Variants in TYW1B observed in about 807,000 individuals in gnomAD.
TYW1B encodes the protein S-adenosyl-L-methionine-dependent tRNA 4-demethylwyosine synthase TYW1B.
A neutral mutation model predicts 86.9 loss-of-function variants in TYW1B; 73 were observed. The observed-to-expected ratio is 0.84, with a 90% confidence interval of 0.70 to 1.02. The LOEUF is 1.02. Ranked by LOEUF, TYW1B falls within the 50% of genes least tolerant of loss-of-function variation. The pLI, the probability that TYW1B is intolerant of heterozygous loss-of-function variation, is 0.00. For synonymous variants in TYW1B, 248 were observed against 292.8 expected (o/e 0.85, Z 1.56); for missense variants, 637 against 827.4 (o/e 0.77, Z 2.82).
chr7:72,724,241 G>A (rs544415172), intron 9 of TYW1B, among the ~76,000 whole-genome samples: 16 of 152,256 alleles, frequency 1.1e-4, no homozygotes, highest in Middle Eastern at 3.4e-3. Context: ...AGAGGCCCAG[G>A]CAGAAGGATC....
At chr7:72,749,363 G>A (rs1217698724) in intron 7 of TYW1B, among the ~76,000 whole-genome samples, 3 of 151,954 alleles carry the variant, frequency 2.0e-5, no homozygotes, top group African/African-American at 4.8e-5. Flanking sequence ...GCACGATCTC[G>A]GCTCACTGCA....
At chr7:72,580,654 A>C (rs1345012599) in intron 13 of TYW1B, among the ~76,000 whole-genome samples, 4 of 152,204 alleles carry the variant, frequency 2.6e-5, no homozygotes, top group Non-Finnish European at 5.9e-5. Flanking sequence ...TCTTTCACAC[A>C]GGGAGAATTT....
In TYW1B at chr7:72,825,027, C is replaced by T. The variant is rs150691613; in HGVS notation, c.135+1828G>A. ...CTGAGGTGGGAGGATGCCTTGAGCC[C>T]GAGAGGCAGAGGTTGCAGTGAGTGA... On this transcript the variant is annotated intron_variant, in intron 2 of 13. Coordinates refer to ENST00000620995, the MANE Select transcript of TYW1B (RefSeq NM_001145440.3). 1.6e-3 allele frequency among the ~76,000 whole-genome samples: 234 copies of T among 149,556 alleles called. 5 individuals are homozygous for T. In the East Asian group the frequency reaches 0.044, roughly 28 times the overall value.
At chr7:72,737,923 C>T (rs1232079360) in intron 8 of TYW1B, among the ~76,000 whole-genome samples, 1 of 145,604 alleles carries the variant, frequency 6.9e-6, no homozygotes, top group Non-Finnish European at 1.5e-5. Flanking sequence ...TACAGGTGCC[C>T]GCCACCAAGC....
intron 10 of TYW1B, among the ~76,000 whole-genome samples, chr7:72,711,203 AG>A: frequency 6.6e-6 from 1 of 152,286 alleles, no homozygotes; most frequent in East Asian, 1.9e-4. Flanking sequence ...TAAGATAGGG[AG>A]GCTAAAAGCA....
intron 11 of TYW1B, among the ~76,000 whole-genome samples, chr7:72,653,883 C>G (rs1359889474): frequency 1.9e-4 from 29 of 151,974 alleles, no homozygotes; most frequent in Admixed American, 1.9e-3. Context: ...AGTTTGAGAC[C>G]AGCCCAACCA....
At chr7:72,599,842 A>G (rs1423301711) in intron 13 of TYW1B, among the ~76,000 whole-genome samples, 1 of 152,200 alleles carries the variant, frequency 6.6e-6, no homozygotes, top group African/African-American at 2.4e-5. Flanking sequence ...CGATATATAT[A>G]TGTAGAAAAC....
chr7:72,788,326 A>G (rs1192663824), intron 6 of TYW1B, among the ~76,000 whole-genome samples: 3 of 152,172 alleles, frequency 2.0e-5, no homozygotes, highest in Admixed American at 2.0e-4. Context: ...AAAATACAAA[A>G]GCTACTAAAA....
At chr7:72,581,826 G>C (rs1482444708) in intron 13 of TYW1B, among the ~76,000 whole-genome samples, 1 of 152,068 alleles carries the variant, frequency 6.6e-6, no homozygotes, top group Admixed American at 6.6e-5. Context: ...GGAGTGCAAT[G>C]GCATGATCTC....
At chr7:72,778,213 A>G (rs1308670070) in intron 6 of TYW1B, among the ~76,000 whole-genome samples, 2 of 152,190 alleles carry the variant, frequency 1.3e-5, no homozygotes, top group Non-Finnish European at 2.9e-5. Flanking sequence ...TCCTCACCTG[A>G]AAAGGGGGAA....
At chr7:72,813,824 G>A (rs1287497127) in intron 3 of TYW1B, among the ~76,000 whole-genome samples, 7 of 151,962 alleles carry the variant, frequency 4.6e-5, no homozygotes, top group Non-Finnish European at 7.4e-5. Flanking sequence ...ACACAAGCAT[G>A]GCCAATATAA....
chr7:72,679,072 G>A (rs1813808191), intron 11 of TYW1B, among the ~76,000 whole-genome samples: 2 of 152,078 alleles, frequency 1.3e-5, no homozygotes, highest in Non-Finnish European at 2.9e-5. Context: ...ACTGCATCCA[G>A]TCTGCCAATA....
chr7:72,580,392 G>C (rs1183164502), intron 13 of TYW1B, among the ~76,000 whole-genome samples: 2 of 152,138 alleles, frequency 1.3e-5, no homozygotes, highest in Non-Finnish European at 2.9e-5. Flanking sequence ...TGAGACACGA[G>C]GTCACCCTGC....
chr7:72,700,536 T>A (rs1814440989), intron 10 of TYW1B, among the ~76,000 whole-genome samples: 1 of 152,184 alleles, frequency 6.6e-6, no homozygotes, highest in Non-Finnish European at 1.5e-5. Context: ...ATATCCTGGT[T>A]ATTTAACAGT....
chr7:72,746,269 T>C (rs1554463798), intron 7 of TYW1B, among the ~76,000 whole-genome samples: 1 of 152,188 alleles, frequency 6.6e-6, no homozygotes, highest in Non-Finnish European at 1.5e-5. Context: ...TCCATCTTAG[T>C]ACTGCATTTG....
intron 11 of TYW1B, among the ~76,000 whole-genome samples, chr7:72,639,321 C>A (rs1812747977): frequency 1.3e-5 from 2 of 151,776 alleles, no homozygotes; most frequent in South Asian, 4.2e-4. Flanking sequence ...GGTGCATCAC[C>A]ATACCCAGTT....
At chr7:72,662,571 G>C (rs1813359014) in intron 11 of TYW1B, among the ~76,000 whole-genome samples, 1 of 152,088 alleles carries the variant, frequency 6.6e-6, no homozygotes, top group Non-Finnish European at 1.5e-5. Context: ...CAAACTCTAA[G>C]AGCTGCTCAA....
In TYW1B at chr7:72,575,311, C is replaced by G. The variant is rs547164747; in HGVS notation, c.*187G>C. 7.0e-7 allele frequency: 1 copy of G among 1,421,830 alleles called. No homozygotes were observed. Among genetic ancestry groups the G allele is most frequent in the African/African-American group, 1.4e-5 (1 of 69,338 alleles). The allele number at this position is 1,421,830 out of a possible 1,614,324, so 88.1% of individuals were successfully genotyped here. Reference sequence around the variant, plus strand: ...GGGGCTGAGTTCTGAAAAGAAACATCGGGGCTGTGGCCCAGGCCCTCTGAG... The same window carrying G: ...GGGGCTGAGTTCTGAAAAGAAACATGGGGGCTGTGGCCCAGGCCCTCTGAG... On this transcript the variant is annotated 3_prime_UTR_variant, in exon 14 of 14. Coordinates refer to ENST00000620995, the MANE Select transcript of TYW1B (RefSeq NM_001145440.3).
intron 11 of TYW1B, among the ~76,000 whole-genome samples, chr7:72,691,105 T>C (rs1814146910): frequency 1.3e-5 from 2 of 152,246 alleles, no homozygotes; most frequent in African/African-American, 4.8e-5. Flanking sequence ...AACTACAAAA[T>C]ATATGTTTTA....
Sources: allele counts gnomAD v4.1 joint callset (sites outside exome capture counted in the v4.1 genomes callset), GRCh38; gene constraint gnomAD v4.1.1; transcripts MANE v1.5; gene names NCBI Gene and HGNC (gene_info 2026-07-23, HGNC 2026-07-21).